Variants in SLC9A9 observed in about 807,000 individuals in gnomAD.
The protein encoded by SLC9A9 is sodium/hydrogen exchanger 9.
SLC9A9 carries 62 observed loss-of-function variants against 77.8 expected under a neutral mutation model. That is an observed-to-expected ratio of 0.80 (90% CI 0.65 to 0.98). The LOEUF is 0.98. Ranked by LOEUF, SLC9A9 falls within the 50% of genes least tolerant of loss-of-function variation. SLC9A9 has a pLI of 0.00. For missense variants in SLC9A9, 775 were observed against 774.9 expected (o/e 1.00, Z 0.00); for synonymous variants, 320 against 283.5 (o/e 1.13, Z -1.29).
At chr3:143,469,453 A>C (rs2035340395) in intron 11 of SLC9A9, among the ~76,000 whole-genome samples, 1 of 152,242 alleles carries the variant, frequency 6.6e-6, no homozygotes, top group Admixed American at 6.5e-5. Context: ...TACATATAAA[A>C]TCTCAATGAT....
At chr3:143,605,514 T>C (rs556782490) in intron 6 of SLC9A9, among the ~76,000 whole-genome samples, 61 of 152,368 alleles carry the variant, frequency 4.0e-4, no homozygotes, top group African/African-American at 1.4e-3. Context: ...TAAGAGAAAC[T>C]GAAAGTCTAA....
At chr3:143,669,491 C>T (rs574352344) in intron 5 of SLC9A9, among the ~76,000 whole-genome samples, 1 of 152,276 alleles carries the variant, frequency 6.6e-6, no homozygotes, top group East Asian at 1.9e-4. Flanking sequence ...ATCTTCAGAA[C>T]ACCTGGAGCC....
chr3:143,713,761 C>A (rs192826584), intron 4 of SLC9A9, among the ~76,000 whole-genome samples: 1 of 151,940 alleles, frequency 6.6e-6, no homozygotes, highest in Non-Finnish European at 1.5e-5. Context: ...CTTGAGGGAG[C>A]AAATTTGGGA....
intron 4 of SLC9A9, among the ~76,000 whole-genome samples, chr3:143,708,258 C>T (rs1934046467): frequency 6.6e-6 from 1 of 152,116 alleles, no homozygotes; most frequent in Admixed American, 6.5e-5. Context: ...AAAGGGGATC[C>T]TTTCCACAGA....
chr3:143,702,649 G>A (rs11710289), intron 4 of SLC9A9, among the ~76,000 whole-genome samples: 220 of 151,564 alleles, frequency 1.5e-3, no homozygotes, highest in Non-Finnish European at 2.5e-3. Flanking sequence ...GAGGAAGAAC[G>A]AAAGAAGAGA....
chr3:143,469,733 C>T (rs370551814), intron 11 of SLC9A9, among the ~76,000 whole-genome samples: 42 of 152,102 alleles, frequency 2.8e-4, no homozygotes, highest in Middle Eastern at 6.8e-3. Context: ...AGGAAATCTC[C>T]GAAAGAGAGA....
intron 9 of SLC9A9, among the ~76,000 whole-genome samples, chr3:143,540,889 T>A (rs2036678979): frequency 6.6e-6 from 1 of 152,212 alleles, no homozygotes; most frequent in Non-Finnish European, 1.5e-5. Flanking sequence ...CTAAATTTTT[T>A]AAAACCTGGG....
At chr3:143,595,774 G>A (rs147549148) in intron 6 of SLC9A9, among the ~76,000 whole-genome samples, 3 of 152,296 alleles carry the variant, frequency 2.0e-5, no homozygotes, top group South Asian at 2.1e-4. Flanking sequence ...ATTTCTCTGG[G>A]AAGACTCCTT....
intron 14 of SLC9A9, among the ~76,000 whole-genome samples, chr3:143,300,495 C>T (rs994521379): frequency 1.3e-5 from 2 of 152,184 alleles, no homozygotes; most frequent in African/African-American, 4.8e-5. Flanking sequence ...GTTTAAAATG[C>T]ATTCAGATGC....
chr3:143,648,991 C>T (rs1461113512), intron 6 of SLC9A9, among the ~76,000 whole-genome samples: 3 of 152,156 alleles, frequency 2.0e-5, no homozygotes, highest in African/African-American at 4.8e-5. Context: ...TTTCTATTAC[C>T]GGTGTTCAGT....
intron 14 of SLC9A9, among the ~76,000 whole-genome samples, chr3:143,316,391 TG>T (rs2031214017): frequency 1.3e-5 from 2 of 152,174 alleles, no homozygotes. Context: ...TTCGATTTCT[TG>T]TGCTCAGTGT....
rs539347448 is a variant in SLC9A9, at chr3:143,671,440, A to T, written c.650-19080T>A. ...CGTGAAACCTTGAGATAATCTTAAA[A>T]TTTGCTGCACCTCAATTATTTCACC... On this transcript the variant is annotated intron_variant, in intron 5 of 15. Transcript: ENST00000316549. Among the ~76,000 whole-genome samples the T allele has an allele frequency of 1.2e-4, 18 of 152,296 alleles. No individual in the cohort carries two copies. In the South Asian group the frequency reaches 3.5e-3, roughly 30 times the overall value.
At chr3:143,382,036 T>C in intron 13 of SLC9A9, 24 bp downstream of exon 13, 3 of 1,613,630 alleles carry the variant, frequency 1.9e-6, no homozygotes, top group Non-Finnish European at 2.5e-6. Context: ...CTCTATATAA[T>C]GTGCATTGGT....
intron 6 of SLC9A9, among the ~76,000 whole-genome samples, chr3:143,638,407 G>A (rs2038561207): frequency 6.6e-6 from 1 of 152,158 alleles, no homozygotes; most frequent in Non-Finnish European, 1.5e-5. Flanking sequence ...CCAGGAAGAG[G>A]GGAGTCTAAA....
At chr3:143,382,174 G>C in intron 12 of SLC9A9, 60 bp from the exon 13 acceptor site, 1 of 1,569,774 alleles carries the variant, frequency 6.4e-7, no homozygotes. Context: ...AGACAGTCTT[G>C]TGTGTCAGAT....
intron 14 of SLC9A9, among the ~76,000 whole-genome samples, chr3:143,350,659 T>C (rs1038126742): frequency 6.6e-6 from 1 of 152,228 alleles, no homozygotes; most frequent in Non-Finnish European, 1.5e-5. Context: ...TCATTCACCT[T>C]TTTCCATTTG....
Position 143,467,040 on chromosome 3 carries a change from A to G in SLC9A9, c.1466T>C (p.Ile489Thr), listed in dbSNP as rs1354214389. The change falls in exon 12 of 16, where the codon ATC becomes ACC. Residue 489 changes from isoleucine to threonine, a missense_variant. Transcript: ENST00000316549. ...GTTPMLTWLQ[I>T]RVGVDLDENL... ...TTTGCTAGACGGTGTCACTCACCTG[A>G]TCTGAAGCCAAGTCAACATGGGGGT... 3.1e-6 allele frequency: 5 copies of G among 1,613,630 alleles called. No homozygotes were observed.
At chr3:143,638,034 A>G (rs983158323) in intron 6 of SLC9A9, among the ~76,000 whole-genome samples, 1 of 152,236 alleles carries the variant, frequency 6.6e-6, no homozygotes, top group Non-Finnish European at 1.5e-5. Context: ...CAGCTATAAG[A>G]ACAATAAACA....
intron 12 of SLC9A9, among the ~76,000 whole-genome samples, chr3:143,400,694 T>TA (rs1478279749): frequency 1.6e-5 from 2 of 123,766 alleles, no homozygotes; most frequent in Non-Finnish European, 3.5e-5. Context: ...AATAAACAAT[T>TA]AAAAAAACTT....
Sources: gnomAD v4.1 joint callset for allele counts (sites outside exome capture counted in the v4.1 genomes callset) on GRCh38, gnomAD v4.1.1 for gene constraint, MANE v1.5 for transcripts, NCBI Gene and HGNC (gene_info 2026-07-23, HGNC 2026-07-21) for gene names.